Variants in WDR35 observed in about 807,000 individuals in gnomAD.
The protein encoded by WDR35 is WD repeat-containing protein 35.
Under a neutral mutation model 158.3 loss-of-function variants are expected in WDR35, and 118 were observed. That is an observed-to-expected ratio of 0.75 (90% CI 0.64 to 0.87). The LOEUF (loss-of-function observed/expected upper bound fraction) is 0.87. WDR35 is among the 40% of genes least tolerant of loss of function. The pLI, the probability that WDR35 is intolerant of heterozygous loss-of-function variation, is 0.00. For synonymous variants in WDR35, 448 were observed against 476.1 expected (o/e 0.94, Z 0.77); for missense variants, 1,263 against 1,405.8 (o/e 0.90, Z 1.62).
intron 5 of WDR35, among the ~76,000 whole-genome samples, chr2:19,976,688 CTT>C (rs34211947): frequency 0.32 from 44,094 of 139,168 alleles, 7,119 homozygotes; most frequent in East Asian, 0.41. Context: ...CCAATTGATA[CTT>C]TTTTTTTTTT....
intron 25 of WDR35, among the ~76,000 whole-genome samples, chr2:19,918,964 G>C (rs1225978720): frequency 6.6e-6 from 1 of 152,056 alleles, no homozygotes; most frequent in Non-Finnish European, 1.5e-5. Flanking sequence ...GCACCACATG[G>C]CAGTTATTCT....
chr2:19,939,617 T>G (rs921494554), intron 17 of WDR35, among the ~76,000 whole-genome samples: 11 of 152,290 alleles, frequency 7.2e-5, no homozygotes, highest in Middle Eastern at 3.4e-3. Context: ...AAATCCATAT[T>G]TCCATATATA....
Position 19,933,447 on chromosome 2 carries a change from C to T in WDR35, c.2612G>A (p.Cys871Tyr). Residue 871 changes from cysteine to tyrosine, a missense_variant, in exon 22 of 27, where the codon TGT becomes TAT. By Grantham distance (194) the Cys-to-Tyr change is radical (BLOSUM62 -2). Transcript: ENST00000281405. ...CEQAVTAFLK[C>Y]SQPKAAVDTC... ...ATCTACTGCTGCCTTTGGTTGACTACATTTCAAAAATGCAGTCACTGCTTG... is the reference window on the plus strand; with the variant it reads ...ATCTACTGCTGCCTTTGGTTGACTATATTTCAAAAATGCAGTCACTGCTTG... 6.2e-7 allele frequency: 1 copy of T among 1,614,004 alleles called. No individual in the cohort carries two copies.
intron 10 of WDR35, among the ~76,000 whole-genome samples, chr2:19,962,788 T>C (rs1671704403): frequency 2.0e-5 from 3 of 152,054 alleles, no homozygotes; most frequent in African/African-American, 7.2e-5. Context: ...ATAATAAAAA[T>C]CATATTTTAA....
rs1672352469 is a variant in WDR35 at position 19,980,598 on chromosome 2, G to A, written c.307+93C>T. ...ATGAACTCCTGTTGTTAGTAAAAGG[G>A]GTCTATTTTGGAGATGTTATTTACC... On this transcript the variant is annotated intron_variant, in intron 4 of 26. Coordinates refer to ENST00000281405, the MANE Select transcript of WDR35 (RefSeq NM_020779.4). The A allele has an allele frequency of 3.1e-6, 3 of 977,718 alleles. No homozygotes were observed. The African/African-American group carries it at 4.8e-5, about 16-fold the overall frequency. 60.6% of individuals were successfully genotyped at this position (977,718 alleles called of 1,614,324 possible). A position where few individuals can be genotyped will look rare whatever the true frequency, so the allele number is the denominator to read the frequency against.
chr2:19,990,091 T>C lies in WDR35; in HGVS notation c.-76A>G. The C allele has an allele frequency of 6.3e-7, 1 of 1,583,814 alleles. No homozygotes were observed. On this transcript the variant is annotated 5_prime_UTR_variant, in exon 1 of 27. Transcript: ENST00000281405. ...ACGGTTCTACGTCTCCAATCGGGAG[T>C]ACCAGCAGCTCCGGAAAGCTCCCGT...
rs994804159 is a variant in WDR35 at position 19,934,297 on chromosome 2, A to G, written c.2548-786T>C. 1.3e-5 allele frequency among the ~76,000 whole-genome samples: 2 copies of G among 152,162 alleles called. No individual in the cohort carries two copies. The highest frequency in any genetic ancestry group is 2.9e-5 in the Non-Finnish European group (2 of 68,026). ...GTAAAAAAAATTACAAAACATGAAA[A>G]AGTGAAATTACTCATAATCTTATCA... On this transcript the variant is annotated intron_variant, in intron 21 of 26. Transcript: ENST00000281405. This position sits in a 1 kb window ranked among gnomAD's most constrained non-coding sequence, Gnocchi z 4.6.
At chr2:19,946,604 G>A (rs747346319) in intron 14 of WDR35, 34 bp from the exon 15 acceptor site, 27 of 1,560,124 alleles carry the variant, frequency 1.7e-5, no homozygotes, top group Admixed American at 3.3e-5. Context: ...TTAAGCATAC[G>A]TGTATCATAA....
intron 17 of WDR35, among the ~76,000 whole-genome samples, chr2:19,940,644 T>G (rs1670842961): frequency 6.6e-6 from 1 of 152,142 alleles, no homozygotes; most frequent in Admixed American, 6.5e-5. Context: ...CCCCTCTGCC[T>G]CACATGGGGC....
chr2:19,922,581 G>A (rs879694423), intron 25 of WDR35, among the ~76,000 whole-genome samples: 5 of 150,766 alleles, frequency 3.3e-5, no homozygotes, highest in Non-Finnish European at 7.4e-5. Context: ...GTGGGGGGCT[G>A]GGGGAGGGAT....
At chr2:19,913,735 T>C in intron 26 of WDR35, 27 bp from the exon 27 acceptor site, 1 of 1,613,976 alleles carries the variant, frequency 6.2e-7, no homozygotes, top group Non-Finnish European at 8.5e-7. Context: ...AACAATTCAT[T>C]ATACTTTAAA....
intron 2 of WDR35, among the ~76,000 whole-genome samples, chr2:19,987,041 T>A (rs1384110162): frequency 1.3e-5 from 2 of 152,232 alleles, no homozygotes; most frequent in Non-Finnish European, 2.9e-5. Flanking sequence ...CAAATTATGA[T>A]ATATTAATAC....
rs201860485 is a variant in WDR35 at position 19,989,241 on chromosome 2, C to A, written c.66G>T (p.Trp22Cys). 157 of 1,614,054 alleles carry A rather than the reference C, an allele frequency of 9.7e-5. No homozygotes were observed. The highest frequency in any genetic ancestry group is 1.3e-4 in the Non-Finnish European group (149 of 1,180,046). The change falls in exon 2 of 27, where the codon TGG (tryptophan) becomes TGT (cysteine). Residue 22 changes from tryptophan to cysteine, a missense_variant. Physicochemically the swap from Trp to Cys is radical, Grantham distance 215. Coordinates refer to ENST00000281405, the MANE Select transcript of WDR35 (RefSeq NM_020779.4). ...PNNVKLQCVSWNKEQGFIACG... is the reference protein window; with the variant it reads ...PNNVKLQCVSCNKEQGFIACG... The stretch of plus-strand genomic sequence containing the variant: ...ATGCTATGAACCCTTGTTCCTTGTT[C>A]CAGGATACACACTGCAGCTTCACGT...
At chr2:19,954,509 G>A (rs751359322) in intron 11 of WDR35, among the ~76,000 whole-genome samples, 8 of 152,020 alleles carry the variant, frequency 5.3e-5, no homozygotes, top group Non-Finnish European at 1.0e-4. Flanking sequence ...AGTGAGCAAC[G>A]GATACAAATA....
Position 19,911,561 on chromosome 2 carries a change from G to A in WDR35, c.*1997C>T, listed in dbSNP as rs1167986297. On this transcript the variant is annotated 3_prime_UTR_variant, in exon 27 of 27. Coordinates refer to ENST00000281405, the MANE Select transcript of WDR35 (RefSeq NM_020779.4). ...GTTAGGATGTGATTTTCTGATTTGG[G>A]GAAATTTCCCATTCTGGTATAGAAC... The A allele has an allele frequency of 6.6e-6, 1 of 152,160 alleles. No individual in the cohort carries two copies. Among genetic ancestry groups the A allele is most frequent in the African/African-American group, 2.4e-5 (1 of 41,432 alleles). 9.4% of individuals were successfully genotyped at this position (152,160 alleles called of 1,614,324 possible).
At position 19,945,978 on chromosome 2, in the gene WDR35, G is replaced by A. The variant is rs753295524; in HGVS notation, c.1653C>T (p.Asp551=). The change falls in exon 16 of 27, where the codon GAC becomes GAT. Residue 551 remains aspartate, a synonymous_variant. Coordinates refer to ENST00000281405, the MANE Select transcript of WDR35 (RefSeq NM_020779.4). ...CAAAGAAAGTCAGAACTCCTGAGAT[G>A]TCTATGATAGCAAGACGGCTAAAAA... The part of the protein sequence containing the change: ...NCNSSRLAII[D]ISGVLTFFDL... 1.2e-6 allele frequency: 2 copies of A among 1,613,822 alleles called. No homozygotes were observed. The highest frequency in any genetic ancestry group is 1.3e-5 in the African/African-American group (1 of 75,016).
At chr2:19,946,042 T>G in intron 15 of WDR35, 46 bp from the exon 16 acceptor site, 1 of 1,570,406 alleles carries the variant, frequency 6.4e-7, no homozygotes, top group Non-Finnish European at 8.7e-7. Flanking sequence ...ATAAAATTAC[T>G]ATCAGCAATC....
At position 19,978,767 on chromosome 2, in the gene WDR35, T is replaced by C. The variant is rs569159167; in HGVS notation, c.420A>G (p.Ile140Met). 9 of 1,613,858 alleles carry C rather than the reference T, an allele frequency of 5.6e-6. No homozygotes were observed. The highest frequency in any genetic ancestry group is 5.5e-5 in the South Asian group (5 of 91,082). The change falls in exon 5 of 27, where the codon ATA (isoleucine) becomes ATG (methionine). Residue 140 changes from isoleucine to methionine, a missense_variant. Coordinates refer to ENST00000281405, the MANE Select transcript of WDR35 (RefSeq NM_020779.4). The part of the protein sequence containing the change: ...ICIVYEDGAV[I>M]VGSVDGNRIW... The stretch of plus-strand genomic sequence containing the variant: ...ATACATTACCATCCACTGAACCAAC[T>C]ATCACAGCCCCATCTTCATATACAA...
In WDR35 at chr2:19,912,344, G is replaced by A. The variant is rs1157336567; in HGVS notation, c.*1214C>T. The A allele has an allele frequency of 3.3e-5, 5 of 152,194 alleles. No homozygotes were observed. Among genetic ancestry groups the A allele is most frequent in the Non-Finnish European group, 7.3e-5 (5 of 68,048 alleles). 9.4% of individuals were successfully genotyped at this position (152,194 alleles called of 1,614,324 possible). A position where few individuals can be genotyped will look rare whatever the true frequency, so the allele number is the denominator to read the frequency against. ...CAAGGTAATTTTCCACGAGGCGCAT[G>A]AATAGAGACAGAGACCTCAAAGACT... On this transcript the variant is annotated 3_prime_UTR_variant, in exon 27 of 27. Coordinates refer to ENST00000281405, the MANE Select transcript of WDR35 (RefSeq NM_020779.4).
Sources: allele counts gnomAD v4.1 joint callset (sites outside exome capture counted in the v4.1 genomes callset), GRCh38; gene constraint gnomAD v4.1.1; non-coding constraint Gnocchi (gnomAD v3.1); transcripts MANE v1.5; gene names NCBI Gene and HGNC (gene_info 2026-07-23, HGNC 2026-07-21).